The following SERPINB3 variants were observed in gnomAD, a reference collection of about 807,000 sequenced individuals.
SERPINB3 encodes serpin family B member 3.
Under a neutral mutation model 33.0 loss-of-function variants are expected in SERPINB3, and 33 were observed. The ratio of observed to expected loss-of-function variants is 1.00; its 90% CI spans 0.76 to 1.34. SERPINB3 has a LOEUF of 1.34. SERPINB3 is among the 40% of genes most tolerant of loss of function. SERPINB3 has a pLI of 0.00. For missense variants in SERPINB3, 518 were observed against 461.5 expected, an observed-to-expected ratio of 1.12 and a Z score of -1.12; for synonymous variants, 200 against 170.9, an observed-to-expected ratio of 1.17 and a Z score of -1.33.
Position 63,655,773 on chromosome 18 carries a change from C to G in SERPINB3, c.1057G>C (p.Gly353Arg), listed in dbSNP as rs769610583. 3 of 1,609,904 alleles carry G rather than the reference C, an allele frequency of 1.9e-6. No individual in the cohort carries two copies. The African/African-American group carries it at 4.2e-5, about 23-fold the overall frequency. The change falls in exon 8 of 8, where the codon GGA (glycine) becomes CGA (arginine). Residue 353 changes from glycine to arginine, a missense_variant. Coordinates refer to ENST00000283752, the MANE Select transcript of SERPINB3 (RefSeq NM_006919.3). ...TCATTAGTTGAAGTAGGTGATGATC[C>G]GAATCCTACTACAGCGGTGGCAGCT... ...AAAATAVVGF[G>R]SSPTSTNEEF...
rs79688177 is a variant in SERPINB3, at chr18:63,660,799, C to T, written c.222+1G>A. On this transcript the variant is annotated splice_donor_variant, in intron 3 of 7. Transcript: ENST00000283752. LOFTEE classifies it high-confidence loss of function. ...CTGAACCATAGTGCTCTGTGACTCA[C>T]ATGATATGTTGCAGCTTTTCCTGTG... 6.9e-4 allele frequency: 1,117 copies of T among 1,613,348 alleles called. 19 individuals carry two copies. The South Asian group carries it at 0.011, about 15-fold the overall frequency.
chr18:63,658,015 A>G (rs1913544080), intron 5 of SERPINB3, among the ~76,000 whole-genome samples: 1 of 151,760 alleles, frequency 6.6e-6, no homozygotes, highest in African/African-American at 2.4e-5. Flanking sequence ...CTTGCCCTTG[A>G]TGGGGAAGAG....
rs761455787 is a variant in SERPINB3, at chr18:63,655,476, T to A, written c.*181A>T. 9 of 664,886 alleles carry A rather than the reference T, an allele frequency of 1.4e-5. No homozygotes were observed. Among genetic ancestry groups the A allele is most frequent in the African/African-American group, 3.6e-5 (2 of 55,138 alleles). The allele number at this position is 664,886 out of a possible 1,614,324, so 41.2% of individuals were successfully genotyped here. A position where few individuals can be genotyped will look rare whatever the true frequency, so the allele number is the denominator to read the frequency against. The stretch of plus-strand genomic sequence containing the variant: ...AGAAAAAGTACATTTATATGTGGGC[T>A]TATTAAGAGAAAGAGAGAAAGGCAT... On this transcript the variant is annotated 3_prime_UTR_variant, in exon 8 of 8. Coordinates refer to ENST00000283752, the MANE Select transcript of SERPINB3 (RefSeq NM_006919.3).
At chr18:63,659,791 T>A (rs1913594656) in intron 3 of SERPINB3, among the ~76,000 whole-genome samples, 1 of 152,230 alleles carries the variant, frequency 6.6e-6, no homozygotes, top group Non-Finnish European at 1.5e-5. Flanking sequence ...TACCACTGGA[T>A]TTTGTCCTTG....
In SERPINB3 at chr18:63,658,547, C is replaced by G; in HGVS notation, c.435G>C (p.Lys145Asn). The change falls in exon 5 of 8, where the codon AAG becomes AAC. Residue 145 changes from lysine (K) to asparagine (N), a missense_variant. Physicochemically the swap from Lys to Asn is moderately conservative, Grantham distance 94 (BLOSUM62 0). Coordinates refer to ENST00000283752, the MANE Select transcript of SERPINB3 (RefSeq NM_006919.3). Reference sequence around the variant, plus strand: ...GACTTTCCACCCAGGAGTTAATCTTCTTTCGACTTTCTTCTGGAGCATTTG... The same window carrying G: ...GACTTTCCACCCAGGAGTTAATCTTGTTTCGACTTTCTTCTGGAGCATTTG... ...DFANAPEESR[K>N]KINSWVESQT... is the part of the protein sequence containing the mutation. 1.2e-6 allele frequency: 2 copies of G among 1,613,116 alleles called. No individual in the cohort carries two copies. Among genetic ancestry groups the G allele is most frequent in the East Asian group, 4.5e-5 (2 of 44,830 alleles).
intron 4 of SERPINB3, among the ~76,000 whole-genome samples, chr18:63,658,917 A>G (rs1913568546): frequency 6.6e-6 from 1 of 152,130 alleles, no homozygotes; most frequent in South Asian, 2.1e-4. Context: ...AAGGAGATTC[A>G]TTGCTTCTCA....
intron 6 of SERPINB3, 118 bp from the exon 7 acceptor site, chr18:63,657,104 G>A: frequency 9.8e-7 from 1 of 1,017,804 alleles, no homozygotes; most frequent in East Asian, 2.7e-5. Context: ...TAATGAGTTA[G>A]AGACAATAGC....
chr18:63,660,708 A>G, intron 3 of SERPINB3, 92 bp downstream of exon 3: 3 of 1,540,456 alleles, frequency 1.9e-6, no homozygotes, highest in Non-Finnish European at 2.7e-6. Context: ...TTTTCCCTAA[A>G]AATGGCCTTT....
intron 1 of SERPINB3, 22 bp from the exon 2 acceptor site, chr18:63,661,264 G>C: frequency 6.3e-7 from 1 of 1,582,098 alleles, no homozygotes; most frequent in Non-Finnish European, 8.6e-7. Flanking sequence ...TCAGATTCCT[G>C]TCAGAATGAC....
In SERPINB3 at chr18:63,655,782, C is replaced by T. The variant is rs565685500; in HGVS notation, c.1048G>A (p.Val350Ile). The T allele has an allele frequency of 1.2e-6, 2 of 1,613,908 alleles. No individual in the cohort carries two copies. Among genetic ancestry groups the T allele is most frequent in the Non-Finnish European group, 1.7e-6 (2 of 1,179,940 alleles). ...GAAGTAGGTGATGATCCGAATCCTACTACAGCGGTGGCAGCTGCAGCTTCT... is the reference window on the plus strand; with the variant it reads ...GAAGTAGGTGATGATCCGAATCCTATTACAGCGGTGGCAGCTGCAGCTTCT... ...GAEAAAATAV[V>I]GFGSSPTSTN... The change falls in exon 8 of 8, where the codon GTA becomes ATA. Residue 350 changes from valine (V) to isoleucine (I), a missense_variant. Coordinates refer to ENST00000283752, the MANE Select transcript of SERPINB3 (RefSeq NM_006919.3).
At position 63,659,512 on chromosome 18, in the gene SERPINB3, T is replaced by C. The variant is rs1264285881; in HGVS notation, c.238A>G (p.Asn80Asp). The C allele has an allele frequency of 5.6e-6, 9 of 1,613,474 alleles. No individual in the cohort carries two copies. Among genetic ancestry groups the C allele is most frequent in the Middle Eastern group, 1.6e-4 (1 of 6,076 alleles). The change falls in exon 4 of 8, where the codon AAT becomes GAT. Residue 80 changes from asparagine (N) to aspartate (D), a missense_variant. Physicochemically the swap from Asn to Asp is conservative, Grantham distance 23. Transcript: ENST00000283752. ...AGCTTTTGAAACTGGTGATGAACAT[T>C]TCCTGACCTATCAACCTTCAAACAT... ...AATYHVDRSG[N>D]VHHQFQKLLT...
intron 5 of SERPINB3, among the ~76,000 whole-genome samples, chr18:63,657,771 C>CT (rs78145953): frequency 0.014 from 1,899 of 139,014 alleles, 17 homozygotes; most frequent in East Asian, 0.039. Flanking sequence ...CCTCTTCCTA[C>CT]TTTTTTTTTT....
intron 4 of SERPINB3, 146 bp downstream of exon 4, chr18:63,659,252 AG>A: frequency 2.5e-6 from 2 of 802,676 alleles, no homozygotes; most frequent in Non-Finnish European, 4.2e-6. Flanking sequence ...AGTGGGGGAG[AG>A]TTGTGGAAAC....
rs1913515300 is a variant in SERPINB3 at position 63,656,995 on chromosome 18, A to T, written c.613-9T>A. The T allele has an allele frequency of 6.3e-7, 1 of 1,594,574 alleles. No homozygotes were observed. The highest frequency in any genetic ancestry group is 1.3e-5 in the African/African-American group (1 of 74,728). On this transcript the variant is annotated splice_polypyrimidine_tract_variant and intron_variant, in intron 6 of 7. Transcript: ENST00000283752. ...ATGGACTTGTATGTATTCTACAATAAATCAATGTGTCCAACAAATACCAAG... is the reference window on the plus strand; with the variant it reads ...ATGGACTTGTATGTATTCTACAATATATCAATGTGTCCAACAAATACCAAG...
intron 5 of SERPINB3, 129 bp downstream of exon 5, chr18:63,658,384 G>T: frequency 1.4e-6 from 1 of 708,888 alleles, no homozygotes; most frequent in Non-Finnish European, 2.4e-6. Flanking sequence ...TCTTCATCTG[G>T]AGTGCCCTCT....
At chr18:63,658,949 AC>A (rs1175378010) in intron 4 of SERPINB3, among the ~76,000 whole-genome samples, 8 of 152,136 alleles carry the variant, frequency 5.3e-5, no homozygotes, top group African/African-American at 1.9e-4. Context: ...AGTAATTTCA[AC>A]CATGATGTTT....
chr18:63,657,539 T>G (rs1913529794), intron 5 of SERPINB3, 127 bp from the exon 6 acceptor site: 1 of 758,282 alleles, frequency 1.3e-6, no homozygotes. Context: ...CTCACTGACT[T>G]TGATCTTTGA....
rs73962331 is a variant in SERPINB3, at chr18:63,655,764, G to A, written c.1066C>T (p.Pro356Ser). Residue 356 changes from proline to serine, a missense_variant, in exon 8 of 8, where the codon CCT (proline) becomes TCT (serine). By Grantham distance (74) the Pro-to-Ser change is moderately conservative (BLOSUM62 -1). Transcript: ENST00000283752. ...TGGAACTCTTCATTAGTTGAAGTAG[G>A]TGATGATCCGAATCCTACTACAGCG... ...ATAVVGFGSS[P>S]TSTNEEFHCN... 0.01 allele frequency: 16,709 copies of A among 1,613,868 alleles called. 1,142 individuals are homozygous for A. In the African/African-American group the frequency reaches 0.17, roughly 16 times the overall value.
At position 63,657,733 on chromosome 18, in the gene SERPINB3, A is replaced by C. The variant is rs531483577; in HGVS notation, c.470-321T>G. ...ATAAACTGATTTTGTCTACTCTTTC[A>C]ACATGTGTCTTTCCTTTCTCCCTCC... On this transcript the variant is annotated intron_variant, in intron 5 of 7. Transcript: ENST00000283752. Among the ~76,000 whole-genome samples, 6 of 151,568 alleles carry C rather than the reference A, an allele frequency of 4.0e-5. No individual in the cohort carries two copies. The South Asian group carries it at 1.3e-3, about 32-fold the overall frequency.
Sources: allele counts gnomAD v4.1 joint callset (sites outside exome capture counted in the v4.1 genomes callset), GRCh38; gene constraint gnomAD v4.1.1; transcripts MANE v1.5; gene names NCBI Gene and HGNC (gene_info 2026-07-23, HGNC 2026-07-21).